WEE2: variants seen among roughly 807,000 people sequenced by gnomAD.
The protein encoded by WEE2 is wee1-like protein kinase 2.
A neutral mutation model predicts 60.1 loss-of-function variants in WEE2; 50 were observed. The observed-to-expected ratio is 0.83, with a 90% CI of 0.66 to 1.05. The LOEUF is 1.05. WEE2 is among the 50% of genes least tolerant of loss of function. The pLI, the probability that WEE2 is intolerant of heterozygous loss-of-function variation, is 0.00. For missense variants in WEE2, 631 were observed against 684.3 expected (o/e 0.92, Z 0.87); for synonymous variants, 240 against 241.0 (o/e 1.00, Z 0.04).
intron 4 of WEE2, among the ~76,000 whole-genome samples, chr7:141,720,127 G>A (rs1398320231): frequency 1.6e-5 from 2 of 122,968 alleles, no homozygotes; most frequent in Non-Finnish European, 3.4e-5. Flanking sequence ...TTTTATACAG[G>A]TTTTAGAATT....
In WEE2 at chr7:141,711,258, C is replaced by T. The variant is rs74846088; in HGVS notation, c.342+2158C>T. On this transcript the variant is annotated intron_variant, in intron 1 of 11. Transcript: ENST00000397541. The surrounding 1 kb of genome is among the most constrained non-coding windows in gnomAD (Gnocchi z 4.2). ...ACAGCATTTAGGAAGTAGTTGAGGC[C>T]ATGGGTGGAGATAAGGTCACATAGC... 9.9e-5 allele frequency among the ~76,000 whole-genome samples: 15 copies of T among 152,218 alleles called. No individual in the cohort carries two copies. Among genetic ancestry groups the T allele is most frequent in the African/African-American group, 3.1e-4 (13 of 41,530 alleles).
chr7:141,714,850 T>A (rs1206308256), intron 2 of WEE2, among the ~76,000 whole-genome samples: 1 of 152,186 alleles, frequency 6.6e-6, no homozygotes, highest in Non-Finnish European at 1.5e-5. Context: ...GATGGAAGAT[T>A]GGCTGAAGCA....
At chr7:141,723,826 T>A in intron 6 of WEE2, 115 bp from the exon 7 acceptor site, 1 of 689,592 alleles carries the variant, frequency 1.5e-6, no homozygotes. Context: ...TAGTAGTCTA[T>A]GTCCACACAA....
At chr7:141,716,437 CCTT>C (rs1310317740) in intron 3 of WEE2, among the ~76,000 whole-genome samples, 170 bp downstream of exon 3, 1 of 149,996 alleles carries the variant, frequency 6.7e-6, no homozygotes, top group Non-Finnish European at 1.5e-5. Flanking sequence ...CCCTCCCTCC[CCTT>C]CTTCTACCCT....
rs143064236 is a variant in WEE2, at chr7:141,708,422, G to C, written c.-337G>C. 1.5e-5 allele frequency: 4 copies of C among 258,788 alleles called. No individual in the cohort carries two copies. Among genetic ancestry groups the C allele is most frequent in the African/African-American group, 6.6e-5 (3 of 45,662 alleles). The allele number at this position is 258,788 out of a possible 1,614,324, so 16.0% of individuals were successfully genotyped here. ...ATTTTTAAAGCCATGCTAAATTAAA[G>C]GAATTCAATTTTCTCACTAGTATTT... On this transcript the variant is annotated 5_prime_UTR_variant, in exon 1 of 12. Coordinates refer to ENST00000397541, the MANE Select transcript of WEE2 (RefSeq NM_001105558.1).
intron 2 of WEE2, 23 bp downstream of exon 2, chr7:141,714,428 C>T (rs772073471): frequency 1.0e-5 from 16 of 1,558,340 alleles, no homozygotes; most frequent in Non-Finnish European, 1.3e-5. Flanking sequence ...TTACTTATGA[C>T]TTTTGAGAAC....
intron 4 of WEE2, among the ~76,000 whole-genome samples, chr7:141,719,619 T>C (rs1034325477): frequency 6.6e-6 from 1 of 152,078 alleles, no homozygotes; most frequent in Non-Finnish European, 1.5e-5. Flanking sequence ...CCTGGCTAAT[T>C]TTTGTATTTT....
In WEE2 at chr7:141,708,925, C is replaced by T. The variant is rs753738837; in HGVS notation, c.167C>T (p.Pro56Leu). ...VQDSEAKGTPPWTPLSNVHEL... is the reference protein window; with the variant it reads ...VQDSEAKGTPLWTPLSNVHEL... Reference sequence around the variant, plus strand: ...GATTCAGAGGCAAAGGGTACACCACCTTGGACTCCCCTTAGCAACGTGCAT... The same window carrying T: ...GATTCAGAGGCAAAGGGTACACCACTTTGGACTCCCCTTAGCAACGTGCAT... Residue 56 changes from proline (P) to leucine (L), a missense_variant, in exon 1 of 12, where the codon CCT (proline) becomes CTT (leucine). By Grantham distance (98) the Pro-to-Leu change is moderately conservative. Transcript: ENST00000397541. 3.1e-6 allele frequency: 5 copies of T among 1,614,032 alleles called. No individual in the cohort carries two copies. The African/African-American group carries it at 6.7e-5, about 22-fold the overall frequency.
chr7:141,709,198 C>T, intron 1 of WEE2, 98 bp downstream of exon 1: 3 of 903,552 alleles, frequency 3.3e-6, no homozygotes, highest in South Asian at 1.6e-5. Flanking sequence ...TGACAGTCAC[C>T]TCCAGGCTGT....
intron 6 of WEE2, 115 bp downstream of exon 6, chr7:141,723,395 CCT>C: frequency 8.9e-7 from 1 of 1,127,554 alleles, no homozygotes; most frequent in South Asian, 1.6e-5. Context: ...TGGCAGAACC[CCT>C]TTCTTCCATT....
chr7:141,726,226 A>G (rs906687016), intron 9 of WEE2, among the ~76,000 whole-genome samples: 1 of 152,222 alleles, frequency 6.6e-6, no homozygotes, highest in African/African-American at 2.4e-5. Flanking sequence ...TAGGATTCCC[A>G]AAACAGCCTT....
In WEE2 at chr7:141,729,686, C is replaced by T. The variant is rs769436211; in HGVS notation, c.1678+13C>T. 1.9e-6 allele frequency: 3 copies of T among 1,605,356 alleles called. No homozygotes were observed. Among genetic ancestry groups the T allele is most frequent in the Admixed American group, 1.7e-5 (1 of 57,880 alleles). ...TCAAGCTTTACCTGTGAGTAATCTT[C>T]CCCTTAAGAACTCATTTTGCAGCCG... On this transcript the variant is annotated intron_variant, in intron 11 of 11. Transcript: ENST00000397541.
intron 10 of WEE2, chr7:141,728,107 A>G (rs1344222702): frequency 6.6e-6 from 1 of 152,236 alleles, no homozygotes; most frequent in Non-Finnish European, 1.5e-5. Context: ...ACTCGACTGC[A>G]TAATTTGTTG....
chr7:141,708,493 C>T lies in WEE2; in HGVS notation c.-266C>T, dbSNP rs1798655518. The T allele has an allele frequency of 5.8e-6, 3 of 515,368 alleles. No individual in the cohort carries two copies. Among genetic ancestry groups the T allele is most frequent in the African/African-American group, 3.8e-5 (2 of 52,704 alleles). The allele number at this position is 515,368 out of a possible 1,614,324, so 31.9% of individuals were successfully genotyped here. A position where few individuals can be genotyped will look rare whatever the true frequency, so the allele number is the denominator to read the frequency against. On this transcript the variant is annotated 5_prime_UTR_variant, in exon 1 of 12. Coordinates refer to ENST00000397541, the MANE Select transcript of WEE2 (RefSeq NM_001105558.1). ...GTGTCATATCCAGAAGAGTTCTGTA[C>T]ATGAACTGCATTTAATTGCTCCGAG...
At chr7:141,722,106 T>C (rs991499196) in intron 5 of WEE2, among the ~76,000 whole-genome samples, 1 of 152,120 alleles carries the variant, frequency 6.6e-6, no homozygotes, top group Non-Finnish European at 1.5e-5. Context: ...CAATGAACAC[T>C]AATTAATAGT....
In WEE2 at chr7:141,727,416, T is replaced by C; in HGVS notation, c.1505T>C (p.Leu502Ser). 1 of 1,614,166 alleles carries C rather than the reference T, an allele frequency of 6.2e-7. No individual in the cohort carries two copies. Among genetic ancestry groups the C allele is most frequent in the Non-Finnish European group, 8.5e-7 (1 of 1,180,034 alleles). Residue 502 changes from leucine to serine, a missense_variant, in exon 10 of 12, where the codon TTG (leucine) becomes TCG (serine). Physicochemically the swap from Leu to Ser is moderately radical, Grantham distance 145. Coordinates refer to ENST00000397541, the MANE Select transcript of WEE2 (RefSeq NM_001105558.1). Reference protein sequence around the residue: ...KTEELQQQLNLEKFKTATLER... With the variant: ...KTEELQQQLNSEKFKTATLER... Reference sequence around the variant, plus strand: ...GAAGAGCTCCAACAGCAGCTGAATTTGGAAAAGTTCAAGACTGCCACACTG... The same window carrying C: ...GAAGAGCTCCAACAGCAGCTGAATTCGGAAAAGTTCAAGACTGCCACACTG...
In WEE2 at chr7:141,714,290, C is replaced by G. The variant is rs774144770; in HGVS notation, c.424C>G (p.Pro142Ala). 2.5e-6 allele frequency: 4 copies of G among 1,613,920 alleles called. No homozygotes were observed. The highest frequency in any genetic ancestry group is 3.4e-6 in the Non-Finnish European group (4 of 1,179,854). Residue 142 changes from proline to alanine, a missense_variant, in exon 2 of 12, where the codon CCC becomes GCC. By Grantham distance (27) the Pro-to-Ala change is conservative. Coordinates refer to ENST00000397541, the MANE Select transcript of WEE2 (RefSeq NM_001105558.1). ...GPKHLKLTPA[P>A]LKDEMTSLAL... ...TAAGCATTTGAAGCTCACACCTGCT[C>G]CCCTCAAGGATGAGATGACCTCATT...
chr7:141,725,792 C>T (rs1010173998), intron 9 of WEE2, among the ~76,000 whole-genome samples: 19 of 152,204 alleles, frequency 1.2e-4, no homozygotes, highest in African/African-American at 4.3e-4. Context: ...CAGGTGGCAT[C>T]TTATCCTGCA....
intron 5 of WEE2, among the ~76,000 whole-genome samples, chr7:141,721,652 C>T (rs188365506): frequency 5.3e-5 from 8 of 151,922 alleles, no homozygotes; most frequent in East Asian, 3.9e-4. Context: ...TTAATAGAGG[C>T]GGGGTTTCCC....
Sources: allele counts gnomAD v4.1 joint callset (sites outside exome capture counted in the v4.1 genomes callset), GRCh38; gene constraint gnomAD v4.1.1; non-coding constraint Gnocchi (gnomAD v3.1); transcripts MANE v1.5; gene names NCBI Gene and HGNC (gene_info 2026-07-23, HGNC 2026-07-21).